Variants in TAX1BP1 observed in about 807,000 individuals in gnomAD.
TAX1BP1 encodes tax1-binding protein 1.
TAX1BP1 carries 62 observed loss-of-function variants against 97.7 expected under a neutral mutation model. The ratio of observed to expected loss-of-function variants is 0.63; its 90% confidence interval spans 0.52 to 0.78. The LOEUF is 0.78. Ranked by LOEUF, TAX1BP1 falls within the 30% of genes least tolerant of loss-of-function variation. TAX1BP1 has a pLI of 0.00. For synonymous variants in TAX1BP1, 340 were observed against 304.2 expected, an observed-to-expected ratio of 1.12 and a Z score of -1.23; for missense variants, 867 against 916.1, an observed-to-expected ratio of 0.95 and a Z score of 0.69.
At chr7:27,803,383 C>T (rs1052487745) in intron 13 of TAX1BP1, among the ~76,000 whole-genome samples, 1 of 152,172 alleles carries the variant, frequency 6.6e-6, no homozygotes, top group African/African-American at 2.4e-5. Context: ...TAATGACTTA[C>T]AGCAAAACCT....
At chr7:27,745,537 G>C (rs1227570326) in intron 1 of TAX1BP1, among the ~76,000 whole-genome samples, 1 of 152,110 alleles carries the variant, frequency 6.6e-6, no homozygotes, top group Non-Finnish European at 1.5e-5. Flanking sequence ...ACAAGGTACT[G>C]GAATGACTTT....
At chr7:27,814,551 GT>G (rs1790689080) in intron 13 of TAX1BP1, among the ~76,000 whole-genome samples, 1 of 151,912 alleles carries the variant, frequency 6.6e-6, no homozygotes. Flanking sequence ...GCATTATTTT[GT>G]TTAGTGTATA....
In TAX1BP1 at chr7:27,796,152, T is replaced by C; in HGVS notation, c.1571T>C (p.Val524Ala). Residue 524 changes from valine to alanine, a missense_variant, in exon 12 of 17, where the codon GTC becomes GCC. This residue lies in a region of TAX1BP1 where 822 missense variants were observed against 851.4 expected (regional missense o/e 0.97). Transcript: ENST00000396319. ...ADFDIVTKGQVCEMTKEIADK... is the reference protein window; with the variant it reads ...ADFDIVTKGQACEMTKEIADK... ...TTTGACATAGTAACAAAGGGGCAAG[T>C]CTGTGAAATGACCAAAGAAATTGCT... 2 of 1,605,748 alleles carry C rather than the reference T, an allele frequency of 1.2e-6. No individual in the cohort carries two copies. Among genetic ancestry groups the C allele is most frequent in the South Asian group, 1.1e-5 (1 of 88,488 alleles).
intron 13 of TAX1BP1, among the ~76,000 whole-genome samples, chr7:27,802,073 A>T (rs1790160199): frequency 6.6e-6 from 1 of 152,212 alleles, no homozygotes; most frequent in Non-Finnish European, 1.5e-5. Flanking sequence ...TGGAGCGCGT[A>T]GTCTGCGAAC....
chr7:27,791,671 A>G (rs999733956), intron 8 of TAX1BP1, among the ~76,000 whole-genome samples: 15 of 152,248 alleles, frequency 9.9e-5, no homozygotes, highest in Non-Finnish European at 1.9e-4. Context: ...GAGGGTCAGT[A>G]TTTCTAGCTG....
rs73295528 is a variant in TAX1BP1 at position 27,755,573 on chromosome 7, A to G, written c.163-2458A>G. Reference sequence around the variant, plus strand: ...CCTTTATGATCAAAACTTATCCAACATGTTTTTCTGAAATGTTAATCCTAT... The same window carrying G: ...CCTTTATGATCAAAACTTATCCAACGTGTTTTTCTGAAATGTTAATCCTAT... On this transcript the variant is annotated intron_variant, in intron 2 of 16. Transcript: ENST00000396319. 6.7e-3 allele frequency among the ~76,000 whole-genome samples: 1,017 copies of G among 152,242 alleles called. 13 individuals are homozygous for G. Among genetic ancestry groups the G allele is most frequent in the African/African-American group, 0.024 (980 of 41,538 alleles).
intron 5 of TAX1BP1, among the ~76,000 whole-genome samples, chr7:27,771,130 T>TTA (rs1788831656): frequency 1.7e-5 from 2 of 120,740 alleles, no homozygotes; most frequent in Non-Finnish European, 3.5e-5. Context: ...TTTTTTTTTT[T>TTA]ACTCATTTGT....
chr7:27,782,191 T>G (rs941094628), intron 5 of TAX1BP1, among the ~76,000 whole-genome samples: 1 of 152,128 alleles, frequency 6.6e-6, no homozygotes, highest in African/African-American at 2.4e-5. Flanking sequence ...CCAAATTCCA[T>G]AAGATTTTTC....
chr7:27,794,946 G>C (rs922394310), intron 11 of TAX1BP1, among the ~76,000 whole-genome samples: 1 of 152,134 alleles, frequency 6.6e-6, no homozygotes. Flanking sequence ...GTTGGCTGAT[G>C]AGTTAAGTTT....
At chr7:27,751,445 T>A (rs1788017716) in intron 2 of TAX1BP1, among the ~76,000 whole-genome samples, 1 of 152,194 alleles carries the variant, frequency 6.6e-6, no homozygotes, top group South Asian at 2.1e-4. Context: ...ACACACATAC[T>A]ACTGATGCAT....
At chr7:27,801,093 G>T (rs181217002) in intron 13 of TAX1BP1, among the ~76,000 whole-genome samples, 4 of 121,308 alleles carry the variant, frequency 3.3e-5, no homozygotes, top group Admixed American at 3.0e-4. Context: ...GACAGTGTGA[G>T]ACTCCGTCTC....
In TAX1BP1 at chr7:27,792,244, A is replaced by G. The variant is rs778068435; in HGVS notation, c.1263+14A>G. 6.3e-7 allele frequency: 1 copy of G among 1,578,038 alleles called. No individual in the cohort carries two copies. Among genetic ancestry groups the G allele is most frequent in the Non-Finnish European group, 8.6e-7 (1 of 1,159,908 alleles). ...AAAAAAGATCAGGTAAAACAAGTTA[A>G]TTTTGAATTTGCATTTTGATTTAAG... On this transcript the variant is annotated intron_variant, in intron 9 of 16. Transcript: ENST00000396319.
At chr7:27,795,853 T>G (rs1481932734) in intron 11 of TAX1BP1, among the ~76,000 whole-genome samples, 4 of 152,204 alleles carry the variant, frequency 2.6e-5, no homozygotes, top group Non-Finnish European at 5.9e-5. Context: ...GCCCGGCCGC[T>G]TTTTAGCAAA....
At chr7:27,775,930 C>G (rs1789017095) in intron 5 of TAX1BP1, among the ~76,000 whole-genome samples, 1 of 152,120 alleles carries the variant, frequency 6.6e-6, no homozygotes. Flanking sequence ...CTTACACAAG[C>G]TAGTTCCAGC....
rs1159853721 is a variant in TAX1BP1 at position 27,794,307 on chromosome 7, T to C, written c.1411-16T>C. On this transcript the variant is annotated splice_polypyrimidine_tract_variant and intron_variant, in intron 10 of 16. Coordinates refer to ENST00000396319, the MANE Select transcript of TAX1BP1 (RefSeq NM_006024.7). ...ATTCATTGACTCATTTAACAACTTA[T>C]TAACATTTTGAATAGGCTAATAATA... 11 of 1,595,658 alleles carry C rather than the reference T, an allele frequency of 6.9e-6. No homozygotes were observed. Among genetic ancestry groups the C allele is most frequent in the East Asian group, 6.7e-5 (3 of 44,570 alleles).
Position 27,792,155 on chromosome 7 carries a change from G to A in TAX1BP1, c.1188G>A (p.Leu396=). ...TGGCAGACCTGCATACTGCACGCTT[G>A]GAAAACGAGAAAGTGAAAAAGCAGT... ...RTMADLHTAR[L]ENEKVKKQLA... The change falls in exon 9 of 17, where the codon TTG becomes TTA. Residue 396 remains leucine (L), a synonymous_variant. Coordinates refer to ENST00000396319, the MANE Select transcript of TAX1BP1 (RefSeq NM_006024.7). The A allele has an allele frequency of 6.2e-7, 1 of 1,613,894 alleles. No individual in the cohort carries two copies. Among genetic ancestry groups the A allele is most frequent in the South Asian group, 1.1e-5 (1 of 91,084 alleles).
At position 27,816,984 on chromosome 7, in the gene TAX1BP1, G is replaced by A; in HGVS notation, c.2031G>A (p.Gln677=). ...TGGAAGACAATGTTGTCTGCAGCCAGCCTGCTCGAAACTTTAGTCGGCCTG... is the reference window on the plus strand; with the variant it reads ...TGGAAGACAATGTTGTCTGCAGCCAACCTGCTCGAAACTTTAGTCGGCCTG... ...WGLEDNVVCS[Q]PARNFSRPDG... The change falls in exon 15 of 17, where the codon CAG becomes CAA. Residue 677 remains glutamine (Q), a synonymous_variant. Transcript: ENST00000396319. 5.6e-6 allele frequency: 9 copies of A among 1,614,078 alleles called. No individual in the cohort carries two copies. Among genetic ancestry groups the A allele is most frequent in the Non-Finnish European group, 7.6e-6 (9 of 1,179,988 alleles).
At chr7:27,804,709 T>C (rs576489451) in intron 13 of TAX1BP1, among the ~76,000 whole-genome samples, 1 of 152,358 alleles carries the variant, frequency 6.6e-6, no homozygotes, top group South Asian at 2.1e-4. Context: ...AATTGTCTAC[T>C]TGTGGCATCA....
At chr7:27,758,797 G>A (rs538638287) in intron 3 of TAX1BP1, among the ~76,000 whole-genome samples, 1 of 152,070 alleles carries the variant, frequency 6.6e-6, no homozygotes, top group African/African-American at 2.4e-5. Context: ...GGGCATTCAG[G>A]TTCCCTCAAG....
Sources: allele counts gnomAD v4.1 joint callset (sites outside exome capture counted in the v4.1 genomes callset), GRCh38; gene constraint gnomAD v4.1.1; regional missense constraint gnomAD v4.1.1; transcripts MANE v1.5; gene names NCBI Gene and HGNC (gene_info 2026-07-23, HGNC 2026-07-21).